The following PANX1 variants were observed in gnomAD, a reference collection of about 807,000 sequenced individuals.
PANX1 encodes pannexin 1.
Under a neutral mutation model 38.7 loss-of-function variants are expected in PANX1, and 30 were observed. That is an observed-to-expected ratio of 0.78 (90% CI 0.58 to 1.05). The LOEUF is 1.05. Ranked by LOEUF, PANX1 falls within the 50% of genes least tolerant of loss-of-function variation. The pLI, the probability that PANX1 is intolerant of heterozygous loss-of-function variation, is 0.00. For synonymous variants in PANX1, 230 were observed against 212.2 expected, an observed-to-expected ratio of 1.08 and a Z score of -0.73; for missense variants, 551 against 517.2, an observed-to-expected ratio of 1.07 and a Z score of -0.63.
At chr11:94,148,657 A>G (rs574244883) in intron 1 of PANX1, among the ~76,000 whole-genome samples, 21 of 152,346 alleles carry the variant, frequency 1.4e-4, no homozygotes, top group African/African-American at 4.8e-4. Flanking sequence ...AATATAATCT[A>G]CTTGGATCCC....
At chr11:94,154,214 C>T (rs1946920016) in intron 2 of PANX1, among the ~76,000 whole-genome samples, 1 of 152,154 alleles carries the variant, frequency 6.6e-6, no homozygotes, top group Non-Finnish European at 1.5e-5. Flanking sequence ...GGAGATACTA[C>T]ACAAGAGACA....
chr11:94,148,745 T>C (rs1477830145), intron 1 of PANX1, among the ~76,000 whole-genome samples: 1 of 152,206 alleles, frequency 6.6e-6, no homozygotes, highest in Non-Finnish European at 1.5e-5. Context: ...CTTAAAATCA[T>C]TTCGCAGACT....
At chr11:94,153,379 C>T in intron 1 of PANX1, 112 bp from the exon 2 acceptor site, 1 of 1,041,282 alleles carries the variant, frequency 9.6e-7, no homozygotes, top group Non-Finnish European at 1.4e-6. Context: ...CTAATGTCTC[C>T]ACCTCCTGTC....
chr11:94,142,781 G>A (rs1335635759), intron 1 of PANX1, among the ~76,000 whole-genome samples: 3 of 152,192 alleles, frequency 2.0e-5, no homozygotes, highest in Non-Finnish European at 4.4e-5. Flanking sequence ...TGGGTTAAGC[G>A]CCACACAGTT....
At chr11:94,160,841 A>C (rs896104474) in intron 2 of PANX1, among the ~76,000 whole-genome samples, 7 of 151,986 alleles carry the variant, frequency 4.6e-5, no homozygotes, top group African/African-American at 1.7e-4. Flanking sequence ...AGAATTTGGC[A>C]TTTTTTTGCA....
chr11:94,152,431 A>T (rs1946892616), intron 1 of PANX1, among the ~76,000 whole-genome samples: 1 of 152,194 alleles, frequency 6.6e-6, no homozygotes, highest in South Asian at 2.1e-4. Flanking sequence ...AAATTTAAAT[A>T]TGACTCATGT....
intron 1 of PANX1, among the ~76,000 whole-genome samples, chr11:94,131,572 C>T (rs922988167): frequency 1.3e-5 from 2 of 152,150 alleles, no homozygotes; most frequent in Non-Finnish European, 2.9e-5. Context: ...GAGCTCCAGG[C>T]TGGTGAAGGT....
intron 1 of PANX1, among the ~76,000 whole-genome samples, chr11:94,132,016 C>T (rs900184158): frequency 6.6e-6 from 1 of 152,222 alleles, no homozygotes; most frequent in Non-Finnish European, 1.5e-5. Flanking sequence ...TTGATAATTA[C>T]TGCTTCCCTC....
At chr11:94,169,855 G>A (rs1200160975) in intron 2 of PANX1, among the ~76,000 whole-genome samples, 1 of 151,596 alleles carries the variant, frequency 6.6e-6, no homozygotes, top group Non-Finnish European at 1.5e-5. Context: ...AAATTTCTGT[G>A]GTTTTAAGCC....
At chr11:94,169,085 G>A (rs1029495977) in intron 2 of PANX1, among the ~76,000 whole-genome samples, 5 of 151,624 alleles carry the variant, frequency 3.3e-5, no homozygotes, top group Non-Finnish European at 5.9e-5. Context: ...GTGAGATATG[G>A]TATCTGGAGA....
chr11:94,154,726 A>G (rs1946926481), intron 2 of PANX1, among the ~76,000 whole-genome samples: 1 of 152,184 alleles, frequency 6.6e-6, no homozygotes, highest in African/African-American at 2.4e-5. Context: ...ATTTGTGTGT[A>G]ACATTTGACT....
intron 2 of PANX1, among the ~76,000 whole-genome samples, chr11:94,164,726 AT>A (rs1041711117): frequency 1.3e-5 from 2 of 152,150 alleles, no homozygotes; most frequent in Admixed American, 1.3e-4. Context: ...TGAGCCTGAT[AT>A]TTCTTTATTT....
intron 2 of PANX1, among the ~76,000 whole-genome samples, chr11:94,159,585 T>C (rs557256303): frequency 1.3e-5 from 2 of 152,328 alleles, no homozygotes; most frequent in East Asian, 3.9e-4. Flanking sequence ...ATCCCCTTTA[T>C]CATTTTTTAT....
At chr11:94,153,366 G>T in intron 1 of PANX1, 125 bp from the exon 2 acceptor site, 2 of 951,366 alleles carry the variant, frequency 2.1e-6, no homozygotes, top group East Asian at 2.4e-5. Context: ...TTTTAGTTCT[G>T]TCCTAATGTC....
chr11:94,146,804 G>T (rs1400310754), intron 1 of PANX1, among the ~76,000 whole-genome samples: 3 of 152,210 alleles, frequency 2.0e-5, no homozygotes, highest in Admixed American at 6.5e-5. Context: ...CAATGTGTAG[G>T]GCAGGACTGG....
At chr11:94,167,069 G>T (rs955748064) in intron 2 of PANX1, among the ~76,000 whole-genome samples, 6 of 152,134 alleles carry the variant, frequency 3.9e-5, no homozygotes, top group Non-Finnish European at 7.4e-5. Context: ...TCTGGCCCAG[G>T]GCTGGTCTAA....
In PANX1 at chr11:94,173,100, T is replaced by TA. The variant is rs1246002125; in HGVS notation, c.322-5268dup. Among the ~76,000 whole-genome samples the TA allele has an allele frequency of 2.0e-5, 3 of 151,780 alleles. No individual in the cohort carries two copies. In the East Asian group the frequency reaches 5.8e-4, roughly 29 times the overall value. On this transcript the variant is annotated intron_variant, in intron 2 of 4. Coordinates refer to ENST00000227638, the MANE Select transcript of PANX1 (RefSeq NM_015368.4). ...CTAGGATTGTCTGTAAGTGCGGTAT[T>TA]ACCTGAACAGCATATAGCCAGAACA...
In PANX1 at chr11:94,178,392, C is replaced by T. The variant is rs772450772; in HGVS notation, c.345C>T (p.Leu115=). 15 of 1,613,928 alleles carry T rather than the reference C, an allele frequency of 9.3e-6. No individual in the cohort carries two copies. In the East Asian group the frequency reaches 2.2e-4, roughly 24 times the overall value. ...AGTTTTTCCCCTACATCCTGCTGCT[C>T]TTTGCGATCCTCCTGTACCTGCCCC... is the stretch of plus-strand genomic sequence containing the variant. ...LHKFFPYILL[L]FAILLYLPPL... The change falls in exon 3 of 5, where the codon CTC becomes CTT. Residue 115 remains leucine, a synonymous_variant. Coordinates refer to ENST00000227638, the MANE Select transcript of PANX1 (RefSeq NM_015368.4).
chr11:94,134,724 C>T (rs1293764197), intron 1 of PANX1, among the ~76,000 whole-genome samples: 1 of 150,120 alleles, frequency 6.7e-6, no homozygotes, highest in Non-Finnish European at 1.5e-5. Context: ...CTCTCTTCTT[C>T]CCTCTTCCTC....
Sources: allele counts gnomAD v4.1 joint callset (sites outside exome capture counted in the v4.1 genomes callset), GRCh38; gene constraint gnomAD v4.1.1; transcripts MANE v1.5; gene names NCBI Gene and HGNC (gene_info 2026-07-23, HGNC 2026-07-21).